FAT3: variants seen among roughly 807,000 people sequenced by gnomAD.
The protein encoded by FAT3 is protocadherin Fat 3.
FAT3 carries 95 observed loss-of-function variants against 310.2 expected under a neutral mutation model. The observed-to-expected ratio is 0.31, with a 90% CI of 0.26 to 0.36. The LOEUF (loss-of-function observed/expected upper bound fraction) is 0.36. FAT3 is among the 10% of genes least tolerant of loss of function. The pLI is 1.00. For synonymous variants in FAT3, 2,314 were observed against 2,192.9 expected, an observed-to-expected ratio of 1.06 and a Z score of -1.54; for missense variants, 5,408 against 5,715.6, an observed-to-expected ratio of 0.95 and a Z score of 1.74.
chr11:92,843,745 A>G (rs1409929198), intron 18 of FAT3, among the ~76,000 whole-genome samples, 189 bp from the exon 19 acceptor site: 1 of 152,162 alleles, frequency 6.6e-6, no homozygotes, highest in Admixed American at 6.5e-5. Flanking sequence ...GAGTGTACAT[A>G]TGGGGATAGA....
chr11:92,226,964 A>G (rs1863939711), intron 1 of FAT3, among the ~76,000 whole-genome samples: 1 of 151,730 alleles, frequency 6.6e-6, no homozygotes, highest in Admixed American at 6.6e-5. Context: ...TCCCACTTCC[A>G]TTTACAAGTG....
chr11:92,585,059 A>T (rs529731048), intron 3 of FAT3, among the ~76,000 whole-genome samples: 4 of 152,048 alleles, frequency 2.6e-5, no homozygotes, highest in Non-Finnish European at 5.9e-5. Context: ...GGCAAGAGAA[A>T]AGATAGAAAT....
intron 2 of FAT3, among the ~76,000 whole-genome samples, chr11:92,394,496 T>C (rs1949817788): frequency 6.6e-6 from 1 of 152,120 alleles, no homozygotes; most frequent in South Asian, 2.1e-4. Context: ...CACCACCAGT[T>C]AGAAATAACC....
chr11:92,474,590 G>A (rs1439760329), intron 2 of FAT3, among the ~76,000 whole-genome samples: 1 of 152,076 alleles, frequency 6.6e-6, no homozygotes, highest in Admixed American at 6.6e-5. Context: ...TTAGACAAGG[G>A]ACCACAGGGA....
chr11:92,729,271 T>C (rs539956918), intron 4 of FAT3, among the ~76,000 whole-genome samples: 2 of 152,194 alleles, frequency 1.3e-5, no homozygotes, highest in Non-Finnish European at 2.9e-5. Flanking sequence ...ATAAATGTCA[T>C]TGTTATTATT....
At chr11:92,226,388 G>A (rs1263386181) in intron 1 of FAT3, among the ~76,000 whole-genome samples, 4 of 148,908 alleles carry the variant, frequency 2.7e-5, no homozygotes, top group African/African-American at 5.0e-5. Context: ...ACTTTCCACC[G>A]TTCTCCTCTT....
intron 1 of FAT3, among the ~76,000 whole-genome samples, chr11:92,350,596 G>C (rs1240451641): frequency 6.6e-6 from 1 of 152,082 alleles, no homozygotes; most frequent in African/African-American, 2.4e-5. Context: ...ATGGATTTTA[G>C]AGAAAGATTA....
intron 3 of FAT3, among the ~76,000 whole-genome samples, chr11:92,650,762 C>A (rs1472112451): frequency 6.6e-6 from 1 of 152,150 alleles, no homozygotes; most frequent in African/African-American, 2.4e-5. Context: ...TTCTGGAGAT[C>A]ATTACTTAGC....
At chr11:92,405,133 C>G (rs1269636284) in intron 2 of FAT3, among the ~76,000 whole-genome samples, 2 of 151,958 alleles carry the variant, frequency 1.3e-5, no homozygotes, top group Admixed American at 6.6e-5. Context: ...ATTAATATAC[C>G]ACCCTATCCT....
At chr11:92,372,023 G>C (rs1451617963) in intron 2 of FAT3, among the ~76,000 whole-genome samples, 1 of 152,142 alleles carries the variant, frequency 6.6e-6, no homozygotes, top group Non-Finnish European at 1.5e-5. Context: ...CAGTTGCTCT[G>C]CCTGTCTCCA....
chr11:92,387,771 G>T (rs1949660156), intron 2 of FAT3, among the ~76,000 whole-genome samples: 1 of 152,164 alleles, frequency 6.6e-6, no homozygotes, highest in Non-Finnish European at 1.5e-5. Flanking sequence ...GACACATCAG[G>T]CAGAGCTTCT....
intron 1 of FAT3, among the ~76,000 whole-genome samples, chr11:92,252,423 C>G (rs1865172931): frequency 6.6e-6 from 1 of 152,046 alleles, no homozygotes. Context: ...GTTAGTGTGA[C>G]CAGTATGACA....
intron 3 of FAT3, among the ~76,000 whole-genome samples, chr11:92,571,684 A>G (rs528223431): frequency 5.9e-5 from 9 of 151,992 alleles, no homozygotes; most frequent in Non-Finnish European, 1.0e-4. Flanking sequence ...AGCCACTCAC[A>G]TTTCTTCTTT....
chr11:92,656,353 G>T (rs1205379637), intron 3 of FAT3, among the ~76,000 whole-genome samples: 3 of 152,108 alleles, frequency 2.0e-5, no homozygotes, highest in African/African-American at 7.2e-5. Flanking sequence ...TGACCTAGGG[G>T]CTCACAAGTG....
chr11:92,295,261 T>G (rs1248685399), intron 1 of FAT3, among the ~76,000 whole-genome samples: 1 of 152,144 alleles, frequency 6.6e-6, no homozygotes, highest in East Asian at 1.9e-4. Flanking sequence ...AAAAATGTCG[T>G]TCAATTCAGC....
At chr11:92,732,147 G>T in intron 4 of FAT3, among the ~76,000 whole-genome samples, 1 of 151,980 alleles carries the variant, frequency 6.6e-6, no homozygotes, top group East Asian at 1.9e-4. Context: ...TGTTTCTTAC[G>T]CTAGGTACTG....
At chr11:92,809,816 C>A in intron 12 of FAT3, 27 bp from the exon 13 acceptor site, 2 of 1,573,426 alleles carry the variant, frequency 1.3e-6, no homozygotes, top group Non-Finnish European at 1.7e-6. Flanking sequence ...AAACTCAGAC[C>A]AATCATGCTG....
intron 3 of FAT3, among the ~76,000 whole-genome samples, chr11:92,533,723 A>G (rs2135391088): frequency 6.6e-6 from 1 of 152,268 alleles, no homozygotes; most frequent in African/African-American, 2.4e-5. Context: ...GCTATAGTTC[A>G]TTCTAGGAGG....
At position 92,230,257 on chromosome 11, in the gene FAT3, A is replaced by C. The variant is rs375285183; in HGVS notation, c.-18+5083A>C. ...TAAAATAATTTTTTGTCTTTAAAAA[A>C]TGTCTTGCTTTCTCCTCTATTTTCC... On this transcript the variant is annotated intron_variant, in intron 1 of 27. Transcript: ENST00000525166. 2.0e-5 allele frequency among the ~76,000 whole-genome samples: 3 copies of C among 152,276 alleles called. 1 individual carries two copies. Among genetic ancestry groups the C allele is most frequent in the African/African-American group, 7.2e-5 (3 of 41,582 alleles).
Sources: allele counts gnomAD v4.1 joint callset (sites outside exome capture counted in the v4.1 genomes callset), GRCh38; gene constraint gnomAD v4.1.1; transcripts MANE v1.5; gene names NCBI Gene and HGNC (gene_info 2026-07-23, HGNC 2026-07-21).